POU2F1: variants seen among roughly 807,000 people sequenced by gnomAD.
POU2F1 encodes the protein POU class 2 homeobox 1, also known as POU domain, class 2, transcription factor 1.
POU2F1 carries 16 observed loss-of-function variants against 84.9 expected under a neutral mutation model. The ratio of observed to expected loss-of-function variants is 0.19; its 90% CI spans 0.13 to 0.29. The LOEUF (loss-of-function observed/expected upper bound fraction) is 0.29, where lower values mean the gene tolerates loss of function less well. POU2F1 is among the 10% of genes least tolerant of loss of function. POU2F1 has a pLI of 1.00. For synonymous variants in POU2F1, 368 were observed against 368.3 expected (o/e 1.00, Z 0.01); for missense variants, 738 against 942.6 (o/e 0.78, Z 2.84).
At chr1:167,393,415 A>T (rs1180657371) in intron 9 of POU2F1, among the ~76,000 whole-genome samples, 1 of 152,196 alleles carries the variant, frequency 6.6e-6, no homozygotes. Flanking sequence ...AGTGAATGGC[A>T]TAGCTTTATT....
intron 2 of POU2F1, among the ~76,000 whole-genome samples, chr1:167,335,146 A>G (rs1657357814): frequency 6.6e-6 from 1 of 152,316 alleles, no homozygotes; most frequent in Admixed American, 6.5e-5. Flanking sequence ...TAAAAAATGT[A>G]TTCAGTAAGT....
chr1:167,316,086 T>G (rs1334752982), intron 1 of POU2F1, among the ~76,000 whole-genome samples: 1 of 152,038 alleles, frequency 6.6e-6, no homozygotes, highest in Non-Finnish European at 1.5e-5. Context: ...GGGATAGGAG[T>G]TGGTGTGACT....
At chr1:167,275,963 C>A (rs1310642592) in intron 1 of POU2F1, among the ~76,000 whole-genome samples, 1 of 152,136 alleles carries the variant, frequency 6.6e-6, no homozygotes, top group Non-Finnish European at 1.5e-5. Context: ...TGGTTTGTGC[C>A]ACATTATATC....
chr1:167,390,225 A>C (rs1182964316), intron 9 of POU2F1, among the ~76,000 whole-genome samples: 1 of 152,076 alleles, frequency 6.6e-6, no homozygotes, highest in Non-Finnish European at 1.5e-5. Context: ...TTTAAACTGC[A>C]CCTTTTTGTT....
intron 1 of POU2F1, among the ~76,000 whole-genome samples, chr1:167,300,854 T>C (rs1014970761): frequency 2.0e-5 from 3 of 152,128 alleles, no homozygotes; most frequent in Non-Finnish European, 4.4e-5. Flanking sequence ...CACTGCAACC[T>C]CCAACCCCCT....
chr1:167,316,364 G>A (rs1655898941), intron 1 of POU2F1, among the ~76,000 whole-genome samples: 2 of 152,128 alleles, frequency 1.3e-5, no homozygotes, highest in Non-Finnish European at 2.9e-5. Context: ...CAAAAGAGAG[G>A]GATATCATAG....
intron 2 of POU2F1, among the ~76,000 whole-genome samples, chr1:167,352,849 G>A (rs1188200466): frequency 1.3e-5 from 2 of 152,170 alleles, no homozygotes; most frequent in Non-Finnish European, 2.9e-5. Context: ...AAATGTTGAG[G>A]AAGTACCAAA....
chr1:167,301,248 TTA>T (rs1428396009), intron 1 of POU2F1, among the ~76,000 whole-genome samples: 1 of 152,206 alleles, frequency 6.6e-6, no homozygotes, highest in Non-Finnish European at 1.5e-5. Flanking sequence ...ACTTAAAATT[TTA>T]TGTTTCTTTA....
At chr1:167,301,048 G>A (rs1159425647) in intron 1 of POU2F1, among the ~76,000 whole-genome samples, 1 of 152,174 alleles carries the variant, frequency 6.6e-6, no homozygotes, top group Non-Finnish European at 1.5e-5. Context: ...GAGATTATAG[G>A]TGTGACCCAC....
intron 1 of POU2F1, among the ~76,000 whole-genome samples, chr1:167,258,156 A>G (rs1571180441): frequency 6.6e-6 from 1 of 152,302 alleles, no homozygotes; most frequent in East Asian, 1.9e-4. Context: ...CACTTTAAAC[A>G]ATATGTTATA....
In POU2F1 at chr1:167,417,092, A is replaced by T. The variant is rs985601764; in HGVS notation, c.*1282A>T. 6.6e-6 allele frequency: 1 copy of T among 152,256 alleles called. No individual in the cohort carries two copies. Among genetic ancestry groups the T allele is most frequent in the Non-Finnish European group, 1.5e-5 (1 of 68,048 alleles). 9.4% of individuals were successfully genotyped at this position (152,256 alleles called of 1,614,324 possible). On this transcript the variant is annotated 3_prime_UTR_variant, in exon 16 of 16. Transcript: ENST00000367866. ...CTAGACTATTTTCCATTGATAATAT[A>T]TACAAAAGAGGTGTGATGAGAAGGG...
At chr1:167,306,849 C>G (rs891520163) in intron 1 of POU2F1, among the ~76,000 whole-genome samples, 7 of 152,056 alleles carry the variant, frequency 4.6e-5, no homozygotes, top group Non-Finnish European at 1.0e-4. Flanking sequence ...TTGCAAAGGC[C>G]CTATTTCTCA....
rs1445462704 is a variant in POU2F1, at chr1:167,386,848, TG to T, written c.814-2738del. On this transcript the variant is annotated intron_variant, in intron 8 of 15. Transcript: ENST00000367866. ...AACTAAGGTACATAAAACATATTAG[TG>T]GTTGCCAGGGACGGGGGGCTAATGG... is the stretch of plus-strand genomic sequence containing the variant. Among the ~76,000 whole-genome samples, 3 of 152,168 alleles carry T rather than the reference TG, an allele frequency of 2.0e-5. No homozygotes were observed. The East Asian group carries it at 5.8e-4, about 29-fold the overall frequency.
At chr1:167,305,186 A>G in intron 1 of POU2F1, among the ~76,000 whole-genome samples, 1 of 151,556 alleles carries the variant, frequency 6.6e-6, no homozygotes, top group South Asian at 2.1e-4. Context: ...CAGAGAATGT[A>G]GGCAATTTTT....
At chr1:167,260,053 T>C (rs1003810475) in intron 1 of POU2F1, among the ~76,000 whole-genome samples, 1 of 152,126 alleles carries the variant, frequency 6.6e-6, no homozygotes, top group African/African-American at 2.4e-5. Context: ...AAATTTTTTG[T>C]ATTTTTGATA....
intron 1 of POU2F1, among the ~76,000 whole-genome samples, chr1:167,263,137 G>A (rs1034563073): frequency 1.3e-5 from 2 of 152,224 alleles, no homozygotes; most frequent in Non-Finnish European, 2.9e-5. Context: ...TAAAACAAAT[G>A]TAAGCTTAGT....
At chr1:167,328,163 T>G (rs988985144) in intron 1 of POU2F1, among the ~76,000 whole-genome samples, 3 of 152,214 alleles carry the variant, frequency 2.0e-5, no homozygotes, top group African/African-American at 7.2e-5. Context: ...ACAATAGAGA[T>G]TCTAAGTAAC....
At chr1:167,267,295 G>T (rs566302012) in intron 1 of POU2F1, among the ~76,000 whole-genome samples, 2 of 151,954 alleles carry the variant, frequency 1.3e-5, no homozygotes, top group African/African-American at 4.8e-5. Flanking sequence ...GACATGCATA[G>T]AAGAGAGACC....
intron 13 of POU2F1, among the ~76,000 whole-genome samples, chr1:167,405,696 A>T (rs568297581): frequency 2.3e-4 from 35 of 152,098 alleles, no homozygotes; most frequent in African/African-American, 5.5e-4. Flanking sequence ...GGGGGAAAAT[A>T]AAAAAAAGCC....
Sources: allele counts gnomAD v4.1 joint callset (sites outside exome capture counted in the v4.1 genomes callset), GRCh38; gene constraint gnomAD v4.1.1; transcripts MANE v1.5; gene names NCBI Gene and HGNC (gene_info 2026-07-23, HGNC 2026-07-21).